The following RAPGEF5 variants were observed in gnomAD, a reference collection of about 807,000 sequenced individuals.
RAPGEF5 encodes the protein M-Ras-regulated GEF.
In RAPGEF5, 65 loss-of-function variants were observed where a neutral mutation model predicts 125.2. That is an observed-to-expected ratio of 0.52 (90% CI 0.43 to 0.64). RAPGEF5 has a LOEUF of 0.64. Ranked by LOEUF, RAPGEF5 falls within the 30% of genes least tolerant of loss-of-function variation. The pLI is 0.00. For synonymous variants in RAPGEF5, 391 were observed against 385.9 expected, an observed-to-expected ratio of 1.01 and a Z score of -0.16; for missense variants, 958 against 1,048.1, an observed-to-expected ratio of 0.91 and a Z score of 1.19.
At chr7:22,181,373 G>A (rs941143945) in intron 11 of RAPGEF5, among the ~76,000 whole-genome samples, 4 of 152,102 alleles carry the variant, frequency 2.6e-5, no homozygotes, top group Non-Finnish European at 4.4e-5. Context: ...AACCATATTT[G>A]TTTTTAGACT....
At chr7:22,186,426 CTTTT>C (rs1449490735) in intron 11 of RAPGEF5, among the ~76,000 whole-genome samples, 2 of 152,162 alleles carry the variant, frequency 1.3e-5, no homozygotes, top group African/African-American at 4.8e-5. Flanking sequence ...GATCCTCCAG[CTTTT>C]TTATTTTTAA....
rs181307830 is a variant in RAPGEF5 at position 22,229,462 on chromosome 7, C to A, written c.870+1384G>T. On this transcript the variant is annotated intron_variant, in intron 8 of 25. Transcript: ENST00000665637. The stretch of plus-strand genomic sequence containing the variant: ...GCTCTGGAATGAAGACTGAAGTAAT[C>A]TGAAATACTGTGAAGCCTGGCAAAT... 2.6e-5 allele frequency among the ~76,000 whole-genome samples: 4 copies of A among 152,278 alleles called. No homozygotes were observed. In the East Asian group the frequency reaches 7.7e-4, roughly 29 times the overall value.
At position 22,122,234 on chromosome 7, in the gene RAPGEF5, CTGGTGG is replaced by C. The variant is rs1782601469; in HGVS notation, c.*166_*171del. On this transcript the variant is annotated 3_prime_UTR_variant, in exon 26 of 26. Transcript: ENST00000665637. ...AGCATGGAGAAACCTCTCCCCCTCTCTGGTGGCTGACATCACTTCCTGAACACGCTT... is the reference window on the plus strand; with the variant it reads ...AGCATGGAGAAACCTCTCCCCCTCTCCTGACATCACTTCCTGAACACGCTT... The C allele has an allele frequency of 3.8e-5, 22 of 573,168 alleles. 2 individuals are homozygous for C. The Admixed American group carries it at 5.0e-4, about 13-fold the overall frequency. The allele number at this position is 573,168 out of a possible 1,614,324, so 35.5% of individuals were successfully genotyped here. A position where few individuals can be genotyped will look rare whatever the true frequency, so the allele number is the denominator to read the frequency against.
chr7:22,178,569 A>G (rs569039030), intron 11 of RAPGEF5, among the ~76,000 whole-genome samples: 38 of 152,276 alleles, frequency 2.5e-4, no homozygotes, highest in Non-Finnish European at 5.0e-4. Flanking sequence ...ACTTACACTT[A>G]CTGCTTTATT....
intron 1 of RAPGEF5, among the ~76,000 whole-genome samples, chr7:22,331,080 G>A (rs1299112788): frequency 1.3e-5 from 2 of 152,082 alleles, no homozygotes; most frequent in African/African-American, 2.4e-5. Flanking sequence ...TCTCCAGTTC[G>A]ACACCAGAGA....
chr7:22,146,298 T>C (rs925689648), intron 19 of RAPGEF5, among the ~76,000 whole-genome samples: 1 of 152,232 alleles, frequency 6.6e-6, no homozygotes, highest in African/African-American at 2.4e-5. Context: ...TTGATTCCTG[T>C]GAGGGTTTTC....
intron 6 of RAPGEF5, among the ~76,000 whole-genome samples, chr7:22,276,717 C>T (rs982966082): frequency 1.2e-4 from 18 of 152,162 alleles, no homozygotes; most frequent in Admixed American, 2.0e-4. Flanking sequence ...TTATTTTATG[C>T]CAACCTTGAG....
chr7:22,139,176 A>T (rs1242756552), intron 21 of RAPGEF5, among the ~76,000 whole-genome samples: 1 of 152,170 alleles, frequency 6.6e-6, no homozygotes, highest in Non-Finnish European at 1.5e-5. Context: ...GGAACCATGA[A>T]GAGAATGGCA....
intron 19 of RAPGEF5, among the ~76,000 whole-genome samples, chr7:22,145,647 T>A (rs1443234338): frequency 6.6e-6 from 1 of 152,180 alleles, no homozygotes; most frequent in Non-Finnish European, 1.5e-5. Context: ...CAAATTTTAG[T>A]GTGAATCAGG....
intron 11 of RAPGEF5, among the ~76,000 whole-genome samples, chr7:22,176,517 T>TTTTG (rs916218769): frequency 2.0e-5 from 3 of 152,048 alleles, no homozygotes; most frequent in South Asian, 4.1e-4. Context: ...AATTAAGGCT[T>TTTTG]TTTGTTTGTT....
intron 1 of RAPGEF5, among the ~76,000 whole-genome samples, chr7:22,334,937 G>T (rs1390731836): frequency 6.6e-6 from 1 of 152,134 alleles, no homozygotes; most frequent in Non-Finnish European, 1.5e-5. Context: ...AAGCCAACCT[G>T]CATCTCAACA....
intron 8 of RAPGEF5, chr7:22,220,339 A>C (rs1352532988): frequency 5.5e-6 from 1 of 180,910 alleles, no homozygotes; most frequent in Non-Finnish European, 1.2e-5. Flanking sequence ...GAGGTTAAAA[A>C]CTCATGGGAA....
Position 22,254,151 on chromosome 7 carries a change from C to T in RAPGEF5, c.796+12813G>A, listed in dbSNP as rs1275858405. On this transcript the variant is annotated intron_variant, in intron 7 of 25. Transcript: ENST00000665637. ...AGTTTCAAACCTCACAAATGCCTCG[C>T]ATGGTGAGTCCTGCTAACATGTGAC... is the stretch of plus-strand genomic sequence containing the variant. Among the ~76,000 whole-genome samples, 3 of 152,112 alleles carry T rather than the reference C, an allele frequency of 2.0e-5. No individual in the cohort carries two copies. The South Asian group carries it at 6.2e-4, about 32-fold the overall frequency.
At chr7:22,149,816 A>T (rs1783561753) in intron 18 of RAPGEF5, among the ~76,000 whole-genome samples, 1 of 152,126 alleles carries the variant, frequency 6.6e-6, no homozygotes, top group Non-Finnish European at 1.5e-5. Context: ...AGAAGAAATG[A>T]AATTAAAATT....
chr7:22,251,775 C>CAAAAAAAAAAAAAAAAAAAAAA, intron 7 of RAPGEF5, among the ~76,000 whole-genome samples: 1 of 73,344 alleles, frequency 1.4e-5, no homozygotes, highest in Non-Finnish European at 2.5e-5. Context: ...GTTTCATTGA[C>CAAAAAAAAAAAAAAAAAAAAAA]AAAAAAAAAA....
At chr7:22,211,585 G>A (rs913556401) in intron 9 of RAPGEF5, among the ~76,000 whole-genome samples, 2 of 152,222 alleles carry the variant, frequency 1.3e-5, no homozygotes, top group Admixed American at 6.5e-5. Flanking sequence ...CCTTTTGCAT[G>A]TATGCTGGTT....
intron 7 of RAPGEF5, among the ~76,000 whole-genome samples, chr7:22,246,095 C>A (rs941641304): frequency 9.2e-5 from 14 of 151,936 alleles, no homozygotes; most frequent in South Asian, 2.1e-4. Context: ...CACACACACA[C>A]AAAAATGGAA....
chr7:22,295,469 G>T (rs927321072), intron 5 of RAPGEF5, among the ~76,000 whole-genome samples: 1 of 152,114 alleles, frequency 6.6e-6, no homozygotes, highest in Non-Finnish European at 1.5e-5. Context: ...ATCAGGCCTA[G>T]ATGTCCAATT....
At chr7:22,130,693 T>A (rs1270580792) in intron 24 of RAPGEF5, among the ~76,000 whole-genome samples, 3 of 152,180 alleles carry the variant, frequency 2.0e-5, no homozygotes, top group African/African-American at 2.4e-5. Context: ...CATAATCTCC[T>A]GAGTGTGGAT....
Sources: gnomAD v4.1 joint callset for allele counts (sites outside exome capture counted in the v4.1 genomes callset) on GRCh38, gnomAD v4.1.1 for gene constraint, MANE v1.5 for transcripts, NCBI Gene and HGNC (gene_info 2026-07-23, HGNC 2026-07-21) for gene names.